Variants in MRTFB observed in about 807,000 individuals in gnomAD.
The protein encoded by MRTFB is myocardin-related transcription factor B.
A neutral mutation model predicts 104.2 loss-of-function variants in MRTFB; 29 were observed. That is an observed-to-expected ratio of 0.28 (90% confidence interval 0.21 to 0.38). The LOEUF is 0.38. Ranked by LOEUF, MRTFB falls within the 10% of genes least tolerant of loss-of-function variation. The pLI is 1.00. For missense variants in MRTFB, 1,270 were observed against 1,341.6 expected (o/e 0.95, Z 0.83); for synonymous variants, 535 against 519.5 (o/e 1.03, Z -0.41).
intron 3 of MRTFB, among the ~76,000 whole-genome samples, chr16:14,183,365 A>T (rs2039832725): frequency 6.6e-6 from 1 of 152,210 alleles, no homozygotes. Flanking sequence ...AGATGGACAA[A>T]AACTAAAGAG....
the MRTFB span, among the ~76,000 whole-genome samples, chr16:13,997,749 C>A: frequency 1.4e-5 from 2 of 143,638 alleles, no homozygotes; most frequent in African/African-American, 5.3e-5. Context: ...GTCATGTTTG[C>A]ACCACTGCGC....
At chr16:14,260,668 A>G (rs7193296) in intron 16 of MRTFB, among the ~76,000 whole-genome samples, 11,349 of 152,244 alleles carry the variant, frequency 0.075, 1,131 homozygotes, top group African/African-American at 0.23. Context: ...CAGTCTGCTG[A>G]CTAAATTTAC....
At chr16:14,107,919 G>A (rs989904338) in intron 2 of MRTFB, among the ~76,000 whole-genome samples, 3 of 152,174 alleles carry the variant, frequency 2.0e-5, no homozygotes, top group African/African-American at 7.2e-5. Flanking sequence ...TTCTCCAAGT[G>A]TCTAGTCCCA....
At position 14,245,618 on chromosome 16, in the gene MRTFB, G is replaced by C; in HGVS notation, c.1170G>C (p.Val390=). Residue 390 remains valine, a synonymous_variant, in exon 11 of 17, where the codon GTG becomes GTC. Coordinates refer to ENST00000571589, the MANE Select transcript of MRTFB (RefSeq NM_001308142.2). ...CAAGACAGAATACATCTACTCCTGT[G>C]AGAAAGCCAGGACCTCTGCCTTCTA... The part of the protein sequence containing the change: ...NTPRQNTSTP[V]RKPGPLPSSL... 6.2e-7 allele frequency: 1 copy of C among 1,614,058 alleles called. No individual in the cohort carries two copies. The highest frequency in any genetic ancestry group is 8.5e-7 in the Non-Finnish European group (1 of 1,179,998).
intron 6 of MRTFB, 32 bp downstream of exon 6, chr16:14,213,652 A>AT (rs1270472972): frequency 7.0e-7 from 1 of 1,430,690 alleles, no homozygotes; most frequent in Middle Eastern, 1.8e-4. Context: ...AATCTGCTGT[A>AT]TTTTTTCAAG....
the MRTFB span, among the ~76,000 whole-genome samples, chr16:14,031,182 A>G: frequency 6.6e-6 from 1 of 152,184 alleles, no homozygotes; most frequent in African/African-American, 2.4e-5. Context: ...ACTTGAGGCC[A>G]GGAGTTCAAG....
chr16:14,157,164 C>A (rs1481700483), intron 3 of MRTFB, among the ~76,000 whole-genome samples: 1 of 152,098 alleles, frequency 6.6e-6, no homozygotes, highest in Non-Finnish European at 1.5e-5. Context: ...TAGGGAATAT[C>A]AGAGTGACTT....
intron 3 of MRTFB, among the ~76,000 whole-genome samples, chr16:14,201,299 G>A (rs2040692625): frequency 6.6e-6 from 1 of 152,120 alleles, no homozygotes; most frequent in Admixed American, 6.5e-5. Flanking sequence ...CATAGGCAAT[G>A]GAGACCTTTG....
the MRTFB span, among the ~76,000 whole-genome samples, chr16:14,040,135 T>G: frequency 6.6e-6 from 1 of 152,370 alleles, no homozygotes; most frequent in Admixed American, 6.5e-5. Context: ...AGTATTAGGT[T>G]GGTGCAAAAG....
chr16:14,040,442 C>T, the MRTFB span, among the ~76,000 whole-genome samples: 9 of 150,858 alleles, frequency 6.0e-5, no homozygotes, highest in Non-Finnish European at 8.8e-5. Context: ...GGAGTGTTTC[C>T]GTTGCTCTAT....
chr16:14,240,552 AC>A (rs1378378970), intron 10 of MRTFB, 68 bp downstream of exon 10: 16 of 1,610,410 alleles, frequency 9.9e-6, no homozygotes, highest in Non-Finnish European at 1.2e-5. Flanking sequence ...ACTATAAGTT[AC>A]CAAAAGTTGA....
chr16:14,217,739 C>G (rs1328286502), intron 7 of MRTFB, among the ~76,000 whole-genome samples: 1 of 152,160 alleles, frequency 6.6e-6, no homozygotes, highest in Non-Finnish European at 1.5e-5. Context: ...AAATAATTTT[C>G]TAAGTTAAAC....
At chr16:14,221,206 A>G (rs1185068158) in intron 8 of MRTFB, among the ~76,000 whole-genome samples, 1 of 152,186 alleles carries the variant, frequency 6.6e-6, no homozygotes, top group African/African-American at 2.4e-5. Flanking sequence ...TCTAGAGGTG[A>G]TAAGTTTTGT....
chr16:14,074,440 A>T (rs915932635), intron 1 of MRTFB, among the ~76,000 whole-genome samples: 1 of 152,212 alleles, frequency 6.6e-6, no homozygotes, highest in Non-Finnish European at 1.5e-5. Context: ...TCATGCTTTT[A>T]TGAAGTTTTA....
chr16:14,096,296 C>T (rs963423390), intron 2 of MRTFB, among the ~76,000 whole-genome samples: 4 of 152,240 alleles, frequency 2.6e-5, no homozygotes, highest in African/African-American at 9.6e-5. Context: ...TGGTCTCAAA[C>T]TCCTGACCTC....
chr16:14,035,948 G>A, the MRTFB span, among the ~76,000 whole-genome samples: 1 of 151,038 alleles, frequency 6.6e-6, no homozygotes, highest in Non-Finnish European at 1.5e-5. Context: ...TCATAACTTA[G>A]CTCCCACTTA....
chr16:14,161,176 G>A (rs1267104437), intron 3 of MRTFB, among the ~76,000 whole-genome samples: 1 of 134,248 alleles, frequency 7.4e-6, no homozygotes, highest in African/African-American at 2.9e-5. Flanking sequence ...AAAAAATCAT[G>A]AGTTGAGGCC....
chr16:14,202,785 C>G (rs907879378), intron 3 of MRTFB, among the ~76,000 whole-genome samples: 2 of 152,158 alleles, frequency 1.3e-5, no homozygotes, highest in Non-Finnish European at 2.9e-5. Flanking sequence ...CTACATTTGG[C>G]CACCACACTG....
chr16:14,101,285 T>A (rs2035691196), intron 2 of MRTFB, among the ~76,000 whole-genome samples: 1 of 152,168 alleles, frequency 6.6e-6, no homozygotes, highest in African/African-American at 2.4e-5. Context: ...GTCCTTTTTC[T>A]TATAGTGTAA....
Sources: gnomAD v4.1 joint callset for allele counts (sites outside exome capture counted in the v4.1 genomes callset) on GRCh38, gnomAD v4.1.1 for gene constraint, MANE v1.5 for transcripts, NCBI Gene and HGNC (gene_info 2026-07-23, HGNC 2026-07-21) for gene names.